The following MALRD1 variants were observed in gnomAD, a reference collection of about 807,000 sequenced individuals.
MALRD1 encodes the protein MAM and LDL receptor class A domain containing 1.
MALRD1 carries 247 observed loss-of-function variants against 242.1 expected under a neutral mutation model. The observed-to-expected ratio is 1.02, with a 90% confidence interval of 0.92 to 1.13. The LOEUF (loss-of-function observed/expected upper bound fraction) is 1.13, where lower values mean the gene tolerates loss of function less well. Among genes scored for constraint, MALRD1 ranks in the 50% most tolerant of loss-of-function variants. The probability of loss-of-function intolerance (pLI) is 0.00; values close to 1 mark genes in which losing one functional copy is unlikely to be tolerated. For synonymous variants in MALRD1, 995 were observed against 866.6 expected (o/e 1.15, Z -2.60); for missense variants, 2,989 against 2,533.1 (o/e 1.18, Z -3.86).
At chr10:19,368,944 TTAAA>T (rs1313006775) in intron 26 of MALRD1, among the ~76,000 whole-genome samples, 1 of 148,552 alleles carries the variant, frequency 6.7e-6, no homozygotes, top group Non-Finnish European at 1.5e-5. Context: ...ATATATTTCT[TTAAA>T]TAATATATCA....
chr10:19,398,732 A>G (rs4237351), intron 28 of MALRD1, among the ~76,000 whole-genome samples: 133,977 of 152,250 alleles, frequency 0.88, 59,389 homozygotes, highest in African/African-American at 0.95. Flanking sequence ...TATGTGCTCA[A>G]TGTTTACATT....
chr10:19,539,212 A>G (rs1361540374), intron 32 of MALRD1, among the ~76,000 whole-genome samples: 2 of 152,164 alleles, frequency 1.3e-5, no homozygotes, highest in Non-Finnish European at 2.9e-5. Context: ...CAAATGAGGC[A>G]AGTACTGACG....
chr10:19,714,062 T>A (rs1834266313), intron 38 of MALRD1, among the ~76,000 whole-genome samples: 1 of 152,114 alleles, frequency 6.6e-6, no homozygotes. Context: ...TGTGTTATAG[T>A]GTGCTCTTTC....
chr10:19,410,910 T>C (rs906923726), intron 28 of MALRD1, among the ~76,000 whole-genome samples: 3 of 152,178 alleles, frequency 2.0e-5, no homozygotes, highest in African/African-American at 7.2e-5. Flanking sequence ...TGCCTAGTAA[T>C]ATAGTTCATC....
At chr10:19,515,120 C>T (rs1465096464) in intron 31 of MALRD1, among the ~76,000 whole-genome samples, 2 of 151,584 alleles carry the variant, frequency 1.3e-5, no homozygotes, top group African/African-American at 4.8e-5. Context: ...ACAACAAAAA[C>T]ACAACTTTAT....
rs1377369532 is a variant in MALRD1, at chr10:19,602,272, C to T, written c.5945-5505C>T. Among the ~76,000 whole-genome samples, 5 of 144,532 alleles carry T rather than the reference C, an allele frequency of 3.5e-5. 1 individual carries two copies. In the South Asian group the frequency reaches 8.6e-4, roughly 25 times the overall value. The allele number at this position is 144,532 out of a possible 152,430, so 94.8% of individuals were successfully genotyped here. On this transcript the variant is annotated intron_variant, in intron 34 of 39. Coordinates refer to ENST00000454679, the MANE Select transcript of MALRD1 (RefSeq NM_001142308.3). ...CAGGTTTGTTACATATGTATACATG[C>T]GCCATGCTGGTGTGCTGCACCCATT...
chr10:19,483,951 AG>A lies in MALRD1; in HGVS notation c.5030-7564del, dbSNP rs113788030. Among the ~76,000 whole-genome samples, 527 of 152,316 alleles carry A rather than the reference AG, an allele frequency of 3.5e-3. 4 individuals carry two copies. The highest frequency in any genetic ancestry group is 0.012 in the African/African-American group (490 of 41,578). ...TATGGAATACTACACAGCCATAAAA[AG>A]GAATGATATATCCTTTGCAGCAACA... On this transcript the variant is annotated intron_variant, in intron 29 of 39. Transcript: ENST00000454679.
intron 38 of MALRD1, among the ~76,000 whole-genome samples, chr10:19,708,143 A>T (rs1833947109): frequency 8.3e-6 from 1 of 120,692 alleles, no homozygotes; most frequent in Non-Finnish European, 1.9e-5. Flanking sequence ...TGAAAACTTA[A>T]GAGGAAAGCT....
intron 36 of MALRD1, among the ~76,000 whole-genome samples, chr10:19,679,610 G>A (rs1022738383): frequency 4.0e-5 from 6 of 151,818 alleles, no homozygotes; most frequent in African/African-American, 1.5e-4. Context: ...ACACCTGCTG[G>A]ATTCGTTGAT....
chr10:19,207,318 T>C (rs980803386), intron 17 of MALRD1, among the ~76,000 whole-genome samples: 1 of 152,172 alleles, frequency 6.6e-6, no homozygotes, highest in Non-Finnish European at 1.5e-5. Context: ...TTTGAAAAAT[T>C]GACACGTTCC....
intron 18 of MALRD1, among the ~76,000 whole-genome samples, chr10:19,243,494 G>A (rs1838892406): frequency 6.6e-6 from 1 of 152,076 alleles, no homozygotes; most frequent in Non-Finnish European, 1.5e-5. Context: ...AGTAATTGAA[G>A]CAGAATTTTT....
chr10:19,292,317 A>G (rs1193456080), intron 21 of MALRD1, among the ~76,000 whole-genome samples: 2 of 152,142 alleles, frequency 1.3e-5, no homozygotes, highest in Non-Finnish European at 2.9e-5. Context: ...GGATCAAAAC[A>G]AAAACACACA....
In MALRD1 at chr10:19,209,376, C is replaced by G; in HGVS notation, c.2687C>G (p.Thr896Arg). The G allele has an allele frequency of 6.4e-7, 1 of 1,551,010 alleles. No individual in the cohort carries two copies. The highest frequency in any genetic ancestry group is 8.7e-7 in the Non-Finnish European group (1 of 1,147,076). Residue 896 changes from threonine to arginine, a missense_variant, in exon 18 of 40, where the codon ACA (threonine) becomes AGA (arginine). Transcript: ENST00000454679. ...CAGGGTCCAACTCCAACACTTAACA[C>G]AGGGCCAATGAAAGATAACACTCTG... ...RSQGPTPTLN[T>R]GPMKDNTLGT...
At chr10:19,138,648 G>A (rs1833438660) in intron 10 of MALRD1, among the ~76,000 whole-genome samples, 1 of 152,034 alleles carries the variant, frequency 6.6e-6, no homozygotes, top group Non-Finnish European at 1.5e-5. Flanking sequence ...TTGAACTCCT[G>A]ATCTCAGGTG....
Position 19,237,536 on chromosome 10 carries a change from AATTTTATG to A in MALRD1, c.2992-20147_2992-20140del, listed in dbSNP as rs1838380196. 2.6e-5 allele frequency among the ~76,000 whole-genome samples: 3 copies of A among 113,420 alleles called. No individual in the cohort carries two copies. In the Admixed American group the frequency reaches 3.1e-4, roughly 12 times the overall value. 74.4% of individuals were successfully genotyped at this position (113,420 alleles called of 152,430 possible). ...TCCATATATATATATATATATATAT[AATTTTATG>A]TATAATTATAATTACACATAAAATT... On this transcript the variant is annotated intron_variant, in intron 18 of 39. Coordinates refer to ENST00000454679, the MANE Select transcript of MALRD1 (RefSeq NM_001142308.3).
chr10:19,607,066 C>T (rs1838674525), intron 34 of MALRD1, among the ~76,000 whole-genome samples: 1 of 152,098 alleles, frequency 6.6e-6, no homozygotes, highest in African/African-American at 2.4e-5. Context: ...TGATGGACAT[C>T]AATAAGGACA....
chr10:19,419,913 G>C (rs1272723210), intron 28 of MALRD1, among the ~76,000 whole-genome samples: 1 of 152,068 alleles, frequency 6.6e-6, no homozygotes, highest in Non-Finnish European at 1.5e-5. Context: ...AAAATAAAAA[G>C]AAGACATAAA....
At chr10:19,251,030 C>T (rs1839273317) in intron 18 of MALRD1, among the ~76,000 whole-genome samples, 1 of 151,892 alleles carries the variant, frequency 6.6e-6, no homozygotes, top group African/African-American at 2.4e-5. Flanking sequence ...GGGCAAGCGG[C>T]AGGTGGGTAG....
At position 19,129,002 on chromosome 10, in the gene MALRD1, G is replaced by A. The variant is rs370558904; in HGVS notation, c.1110+615G>A. On this transcript the variant is annotated intron_variant, in intron 8 of 39. Coordinates refer to ENST00000454679, the MANE Select transcript of MALRD1 (RefSeq NM_001142308.3). Reference sequence around the variant, plus strand: ...AACACCCTGCTTTTTCTACTCTTACGCACTCAGCACTCCCAATATCTCACT... The same window carrying A: ...AACACCCTGCTTTTTCTACTCTTACACACTCAGCACTCCCAATATCTCACT... 8.1e-4 allele frequency among the ~76,000 whole-genome samples: 123 copies of A among 152,060 alleles called. 3 individuals are homozygous for A. In the South Asian group the frequency reaches 0.023, roughly 28 times the overall value.
Sources: allele counts gnomAD v4.1 joint callset (sites outside exome capture counted in the v4.1 genomes callset), GRCh38; gene constraint gnomAD v4.1.1; transcripts MANE v1.5; gene names NCBI Gene and HGNC (gene_info 2026-07-23, HGNC 2026-07-21).